CHKA: variants seen among roughly 807,000 people sequenced by gnomAD.
CHKA encodes the protein choline kinase alpha.
A neutral mutation model predicts 60.1 loss-of-function variants in CHKA; 34 were observed. The observed-to-expected ratio is 0.57, with a 90% CI of 0.43 to 0.75. The LOEUF (loss-of-function observed/expected upper bound fraction) is 0.75. CHKA is among the 30% of genes least tolerant of loss of function. The probability of loss-of-function intolerance (pLI) is 0.00; values close to 1 mark genes in which losing one functional copy is unlikely to be tolerated. For missense variants in CHKA, 563 were observed against 561.3 expected (o/e 1.00, Z -0.03); for synonymous variants, 217 against 223.1 (o/e 0.97, Z 0.24).
chr11:68,088,198 G>A (rs1008905978), intron 2 of CHKA, among the ~76,000 whole-genome samples: 4 of 150,790 alleles, frequency 2.7e-5, no homozygotes, highest in East Asian at 3.9e-4. Context: ...TTTTGGTCTC[G>A]GAAAATAATC....
rs181599273 is a variant in CHKA, at chr11:68,091,439, C to T, written c.462+5580G>A. Among the ~76,000 whole-genome samples, 264 of 152,280 alleles carry T rather than the reference C, an allele frequency of 1.7e-3. 2 individuals carry two copies. Among genetic ancestry groups the T allele is most frequent in the Non-Finnish European group, 2.4e-3 (164 of 68,026 alleles). On this transcript the variant is annotated intron_variant, in intron 2 of 11. Coordinates refer to ENST00000265689, the MANE Select transcript of CHKA (RefSeq NM_001277.3). The stretch of plus-strand genomic sequence containing the variant: ...ATAGTTGTGTGTGTCTTATCTTGTT[C>T]ATATTTTCAAAAGGACCCATTCTTG...
chr11:68,091,449 A>G (rs1384317693), intron 2 of CHKA, among the ~76,000 whole-genome samples: 1 of 152,224 alleles, frequency 6.6e-6, no homozygotes, highest in Non-Finnish European at 1.5e-5. Context: ...CATATTTTCA[A>G]AAGGACCCAT....
At chr11:68,067,481 A>G (rs1363272780) in intron 7 of CHKA, among the ~76,000 whole-genome samples, 1 of 151,918 alleles carries the variant, frequency 6.6e-6, no homozygotes, top group East Asian at 1.9e-4. Context: ...TGTGATCCCA[A>G]CTACTCAGGA....
intron 4 of CHKA, among the ~76,000 whole-genome samples, chr11:68,073,724 A>G (rs972523066): frequency 1.3e-5 from 2 of 152,192 alleles, no homozygotes; most frequent in Non-Finnish European, 2.9e-5. Context: ...CCTGGTCCCC[A>G]GCCAGACGCA....
chr11:68,104,932 C>G (rs1357085115), intron 1 of CHKA, among the ~76,000 whole-genome samples: 1 of 150,850 alleles, frequency 6.6e-6, no homozygotes, highest in Non-Finnish European at 1.5e-5. Flanking sequence ...TGGTGAAACC[C>G]TGTCTCTACT....
At chr11:68,112,540 A>G (rs1858196884) in intron 1 of CHKA, among the ~76,000 whole-genome samples, 1 of 152,196 alleles carries the variant, frequency 6.6e-6, no homozygotes, top group African/African-American at 2.4e-5. Context: ...AATTACAGGC[A>G]TAAGCCACTG....
chr11:68,065,935 C>G, intron 8 of CHKA, 41 bp from the exon 9 acceptor site: 2 of 1,406,770 alleles, frequency 1.4e-6, no homozygotes, highest in Non-Finnish European at 2.0e-6. Flanking sequence ...TGAGGCAAAC[C>G]GTATGCCTGG....
chr11:68,087,480 T>TCA (rs1013771944), intron 2 of CHKA, among the ~76,000 whole-genome samples: 51 of 151,814 alleles, frequency 3.4e-4, no homozygotes, highest in East Asian at 7.7e-4. Flanking sequence ...AGACTTCATC[T>TCA]CACACACACA....
At chr11:68,119,035 G>C (rs889111837) in intron 1 of CHKA, among the ~76,000 whole-genome samples, 1 of 152,144 alleles carries the variant, frequency 6.6e-6, no homozygotes, top group Non-Finnish European at 1.5e-5. Flanking sequence ...TCTCCTTTAG[G>C]TTTTCCATTT....
intron 1 of CHKA, among the ~76,000 whole-genome samples, chr11:68,107,869 T>C (rs80230354): frequency 0.045 from 6,780 of 152,210 alleles, 177 homozygotes; most frequent in African/African-American, 0.068. Context: ...TGACTCCCAG[T>C]CAATACTCGA....
intron 11 of CHKA, among the ~76,000 whole-genome samples, chr11:68,060,873 T>A (rs1357371593): frequency 6.6e-6 from 1 of 152,106 alleles, no homozygotes; most frequent in Non-Finnish European, 1.5e-5. Flanking sequence ...CATCCTTGCA[T>A]TACCAAACCT....
At chr11:68,111,796 GT>G (rs1382454504) in intron 1 of CHKA, among the ~76,000 whole-genome samples, 2 of 151,960 alleles carry the variant, frequency 1.3e-5, no homozygotes, top group Non-Finnish European at 2.9e-5. Flanking sequence ...GCTCACACCT[GT>G]AATCCCAGCA....
At chr11:68,119,460 T>C (rs1419804559) in intron 1 of CHKA, among the ~76,000 whole-genome samples, 1 of 152,112 alleles carries the variant, frequency 6.6e-6, no homozygotes, top group Non-Finnish European at 1.5e-5. Context: ...TGGCAGAAAA[T>C]GACGGAACAC....
intron 4 of CHKA, among the ~76,000 whole-genome samples, chr11:68,074,458 G>C (rs1231502604): frequency 2.0e-5 from 3 of 152,170 alleles, no homozygotes; most frequent in East Asian, 3.8e-4. Context: ...AAGTCTCAGG[G>C]TACACAGCCT....
At chr11:68,088,190 T>C (rs899368487) in intron 2 of CHKA, among the ~76,000 whole-genome samples, 6 of 151,884 alleles carry the variant, frequency 4.0e-5, no homozygotes, top group Admixed American at 2.6e-4. Context: ...TATGTAAATT[T>C]TGGTCTCGGA....
chr11:68,097,133 G>A lies in CHKA; in HGVS notation c.351-3C>T. The A allele has an allele frequency of 1.2e-6, 2 of 1,608,968 alleles. No individual in the cohort carries two copies. Among genetic ancestry groups the A allele is most frequent in the Non-Finnish European group, 1.7e-6 (2 of 1,176,032 alleles). ...ACAGCATGTTGCTAAGGCCGCCTCT[G>A]TCAGAAATAAGAGGACAGTAAGTAT... On this transcript the variant is annotated splice_polypyrimidine_tract_variant and splice_region_variant and intron_variant, in intron 1 of 11. Coordinates refer to ENST00000265689, the MANE Select transcript of CHKA (RefSeq NM_001277.3).
intron 1 of CHKA, among the ~76,000 whole-genome samples, chr11:68,108,003 C>A (rs775949777): frequency 6.6e-6 from 1 of 152,138 alleles, no homozygotes; most frequent in Admixed American, 6.5e-5. Context: ...CGAGGAGATT[C>A]CCTGCCACTG....
chr11:68,072,714 G>A (rs1467703704), intron 4 of CHKA, among the ~76,000 whole-genome samples: 1 of 152,074 alleles, frequency 6.6e-6, no homozygotes, highest in Non-Finnish European at 1.5e-5. Context: ...CACTATGGCT[G>A]GGTGCAGTGG....
At chr11:68,112,864 C>G (rs565687007) in intron 1 of CHKA, among the ~76,000 whole-genome samples, 1 of 151,854 alleles carries the variant, frequency 6.6e-6, no homozygotes, top group South Asian at 2.1e-4. Flanking sequence ...AGGAGGATCA[C>G]GAGGTCAGGA....
Sources: allele counts gnomAD v4.1 joint callset (sites outside exome capture counted in the v4.1 genomes callset), GRCh38; gene constraint gnomAD v4.1.1; transcripts MANE v1.5; gene names NCBI Gene and HGNC (gene_info 2026-07-23, HGNC 2026-07-21).